The following FRAS1 variants were observed in gnomAD, a reference collection of about 807,000 sequenced individuals.
FRAS1 encodes the protein extracellular matrix organizing protein FRAS1.
A neutral mutation model predicts 435.2 loss-of-function variants in FRAS1; 290 were observed. The observed-to-expected ratio is 0.67, with a 90% confidence interval of 0.61 to 0.73. FRAS1 has a LOEUF of 0.73. Among genes scored for constraint, FRAS1 ranks in the 30% least tolerant of loss-of-function variants. The pLI is 0.00. For missense variants in FRAS1, 4,860 were observed against 5,001.5 expected, an observed-to-expected ratio of 0.97 and a Z score of 0.85; for synonymous variants, 1,800 against 1,851.0, an observed-to-expected ratio of 0.97 and a Z score of 0.71.
chr4:78,387,646 C>G lies in FRAS1; in HGVS notation c.3920C>G (p.Ala1307Gly). 1 of 1,602,100 alleles carries G rather than the reference C, an allele frequency of 6.2e-7. No homozygotes were observed. Among genetic ancestry groups the G allele is most frequent in the Non-Finnish European group, 8.5e-7 (1 of 1,172,484 alleles). Residue 1307 changes from alanine to glycine, a missense_variant, in exon 29 of 74, where the codon GCC (alanine) becomes GGC (glycine). Ala to Gly is a moderately conservative substitution (Grantham distance 60). Coordinates refer to ENST00000512123, the MANE Select transcript of FRAS1 (RefSeq NM_025074.7). ...ACATCCGATGTTGCAGTCTTGCAGG[C>G]CAATGATGGACACTCCTTCCATAAT... is the stretch of plus-strand genomic sequence containing the variant. ...DSTSDVAVLQANDGHSFHNIL... is the reference protein window; with the variant it reads ...DSTSDVAVLQGNDGHSFHNIL...
chr4:78,179,024 G>T (rs951719537), intron 2 of FRAS1, among the ~76,000 whole-genome samples: 1 of 152,160 alleles, frequency 6.6e-6, no homozygotes, highest in Non-Finnish European at 1.5e-5. Context: ...TGATCTTCAG[G>T]ACTCTTCAGT....
intron 2 of FRAS1, among the ~76,000 whole-genome samples, chr4:78,143,846 G>A (rs1258492842): frequency 3.4e-5 from 5 of 148,946 alleles, no homozygotes; most frequent in African/African-American, 9.9e-5. Flanking sequence ...AAAGGTTGAA[G>A]TGACTCAAGA....
chr4:78,123,927 G>A (rs1719181290), intron 2 of FRAS1, among the ~76,000 whole-genome samples: 1 of 152,310 alleles, frequency 6.6e-6, no homozygotes, highest in East Asian at 1.9e-4. Context: ...TGCAAACAGA[G>A]ACTATTTGAC....
At chr4:78,343,566 A>G (rs954441357) in intron 20 of FRAS1, among the ~76,000 whole-genome samples, 1 of 152,022 alleles carries the variant, frequency 6.6e-6, no homozygotes, top group Admixed American at 6.6e-5. Context: ...TTTTTCTTCC[A>G]CATCATAAAT....
intron 61 of FRAS1, among the ~76,000 whole-genome samples, chr4:78,506,407 C>A (rs1170578244): frequency 6.6e-6 from 1 of 152,230 alleles, no homozygotes; most frequent in Admixed American, 6.5e-5. Context: ...GGGCTCCCCC[C>A]AGTTCGAGCT....
In FRAS1 at chr4:78,534,562, A is replaced by G; in HGVS notation, c.11039A>G (p.Asn3680Ser). 1.9e-6 allele frequency: 3 copies of G among 1,613,528 alleles called. No homozygotes were observed. The highest frequency in any genetic ancestry group is 2.5e-6 in the Non-Finnish European group (3 of 1,179,570). Residue 3680 changes from asparagine to serine, a missense_variant, in exon 71 of 74, where the codon AAT becomes AGT. Asn to Ser is a conservative substitution (Grantham distance 46). Transcript: ENST00000512123. ...GAGAAGGTGTTCCTAATGGATCCCA[A>G]TACATCTGATATGTCACTAGCAGAA... ...NNEKVFLMDP[N>S]TSDMSLAEMD...
intron 4 of FRAS1, among the ~76,000 whole-genome samples, chr4:78,248,728 T>A (rs1182667700): frequency 6.6e-6 from 1 of 152,138 alleles, no homozygotes; most frequent in Non-Finnish European, 1.5e-5. Context: ...AAAAATTGTA[T>A]TTTTGTTCTG....
chr4:78,489,977 A>AC (rs1720296493), intron 59 of FRAS1, among the ~76,000 whole-genome samples: 1 of 150,454 alleles, frequency 6.6e-6, no homozygotes, highest in African/African-American at 2.4e-5. Context: ...ACAAAAAAAA[A>AC]AAAAAAAAAA....
At chr4:78,330,583 T>TG (rs35982051) in intron 18 of FRAS1, among the ~76,000 whole-genome samples, 6,664 of 152,234 alleles carry the variant, frequency 0.044, 408 homozygotes, top group African/African-American at 0.14. Context: ...AATGCGCGCC[T>TG]GGGGGGTCTC....
At chr4:78,197,621 T>C (rs1440109359) in intron 2 of FRAS1, among the ~76,000 whole-genome samples, 2 of 152,078 alleles carry the variant, frequency 1.3e-5, no homozygotes, top group Non-Finnish European at 2.9e-5. Flanking sequence ...GGAAAAAGTA[T>C]TGAGACAAGG....
At chr4:78,081,988 T>G (rs1740918385) in intron 2 of FRAS1, among the ~76,000 whole-genome samples, 1 of 152,168 alleles carries the variant, frequency 6.6e-6, no homozygotes, top group South Asian at 2.1e-4. Context: ...CGCATCTTAC[T>G]CATATTCCAC....
chr4:78,333,812 G>C (rs992837539), intron 19 of FRAS1, among the ~76,000 whole-genome samples: 1 of 151,886 alleles, frequency 6.6e-6, no homozygotes, highest in African/African-American at 2.4e-5. Flanking sequence ...GAGAGAGACA[G>C]AGAGAGAGAG....
rs756773731 is a variant in FRAS1 at position 78,534,543 on chromosome 4, G to A, written c.11020G>A (p.Val3674Met). The change falls in exon 71 of 74, where the codon GTG (valine) becomes ATG (methionine). Residue 3674 changes from valine (V) to methionine (M), a missense_variant. Coordinates refer to ENST00000512123, the MANE Select transcript of FRAS1 (RefSeq NM_025074.7). ...TEFQLCNNEK[V>M]FLMDPNTSDM... ...ATTTCAGCTCTGCAATAATGAGAAG[G>A]TGTTCCTAATGGATCCCAATACATC... 1.1e-5 allele frequency: 18 copies of A among 1,613,450 alleles called. No individual in the cohort carries two copies. The highest frequency in any genetic ancestry group is 8.5e-7 in the Non-Finnish European group (1 of 1,179,556).
intron 2 of FRAS1, among the ~76,000 whole-genome samples, chr4:78,111,989 T>TA (rs1478326499): frequency 1.3e-5 from 2 of 152,124 alleles, no homozygotes; most frequent in Admixed American, 6.6e-5. Flanking sequence ...ATGTATGTTT[T>TA]AAAAAATCCA....
rs1052245663 is a variant in FRAS1 at position 78,057,651 on chromosome 4, G to A, written c.-359G>A. On this transcript the variant is annotated 5_prime_UTR_variant, in exon 1 of 74. Transcript: ENST00000512123. The surrounding 1 kb of genome is among the most constrained non-coding windows in gnomAD (Gnocchi z 4.2). ...CGGGATCGGAAGGGTCTAGCCCGAG[G>A]GAAATGCTGGAAGATCCCATCGGCC... is the stretch of plus-strand genomic sequence containing the variant. 1.2e-5 allele frequency: 4 copies of A among 328,542 alleles called. No individual in the cohort carries two copies. Among genetic ancestry groups the A allele is most frequent in the Non-Finnish European group, 2.3e-5 (4 of 177,456 alleles). The allele number at this position is 328,542 out of a possible 1,614,324, so 20.4% of individuals were successfully genotyped here.
rs188150064 is a variant in FRAS1 at position 78,513,479 on chromosome 4, G to C, written c.10101G>C (p.Leu3367=). 14 of 1,613,850 alleles carry C rather than the reference G, an allele frequency of 8.7e-6. No homozygotes were observed. The highest frequency in any genetic ancestry group is 1.1e-5 in the Non-Finnish European group (13 of 1,179,820). The change falls in exon 65 of 74, where the codon CTG becomes CTC. Residue 3367 remains leucine (L), a synonymous_variant. Coordinates refer to ENST00000512123, the MANE Select transcript of FRAS1 (RefSeq NM_025074.7). The stretch of plus-strand genomic sequence containing the variant: ...CGTTGCACAACTTACATTTTCTACT[G>C]TCTGAGTCCATCTACAGACACCAGC... ...TMPLHNLHFL[L]SESIYRHQHV...
chr4:78,183,025 A>G (rs1379842728), intron 2 of FRAS1, among the ~76,000 whole-genome samples: 2 of 152,172 alleles, frequency 1.3e-5, no homozygotes, highest in African/African-American at 4.8e-5. Flanking sequence ...AGAAGCTGGA[A>G]AAAGAGATAG....
At chr4:78,342,216 A>G (rs1257782340) in intron 20 of FRAS1, among the ~76,000 whole-genome samples, 1 of 152,208 alleles carries the variant, frequency 6.6e-6, no homozygotes, top group Non-Finnish European at 1.5e-5. Context: ...GTTTCCTCTC[A>G]GGATGCATTC....
At chr4:78,466,571 A>G in intron 50 of FRAS1, 136 bp downstream of exon 50, 1 of 650,206 alleles carries the variant, frequency 1.5e-6, no homozygotes, top group South Asian at 2.1e-5. Flanking sequence ...GGCAAATTAC[A>G]TTTCTAAGCC....
Sources: gnomAD v4.1 joint callset for allele counts (sites outside exome capture counted in the v4.1 genomes callset) on GRCh38, gnomAD v4.1.1 for gene constraint, Gnocchi (gnomAD v3.1) non-coding constraint, MANE v1.5 for transcripts, NCBI Gene and HGNC (gene_info 2026-07-23, HGNC 2026-07-21) for gene names.